Variants in ADCY3 observed in about 807,000 individuals in gnomAD.
ADCY3 encodes adenylate cyclase 3.
Under a neutral mutation model 119.4 loss-of-function variants are expected in ADCY3, and 70 were observed. The ratio of observed to expected loss-of-function variants is 0.59; its 90% CI spans 0.48 to 0.72. The LOEUF is 0.72. Ranked by LOEUF, ADCY3 falls within the 30% of genes least tolerant of loss-of-function variation. The pLI, the probability that ADCY3 is intolerant of heterozygous loss-of-function variation, is 0.00. For synonymous variants in ADCY3, 672 were observed against 621.4 expected (o/e 1.08, Z -1.21); for missense variants, 1,238 against 1,541.6 (o/e 0.80, Z 3.30).
At chr2:24,892,092 A>G (rs1438652117) in intron 2 of ADCY3, among the ~76,000 whole-genome samples, 1 of 152,128 alleles carries the variant, frequency 6.6e-6, no homozygotes. Flanking sequence ...CATTTAATTC[A>G]ATATGTTTTC....
intron 2 of ADCY3, among the ~76,000 whole-genome samples, chr2:24,914,208 T>C (rs529576878): frequency 6.6e-6 from 1 of 152,326 alleles, no homozygotes; most frequent in South Asian, 2.1e-4. Flanking sequence ...TTCCGGCTGC[T>C]CTGGGCCTGT....
intron 2 of ADCY3, among the ~76,000 whole-genome samples, chr2:24,894,009 T>C (rs1677981199): frequency 6.6e-6 from 1 of 152,240 alleles, no homozygotes. Flanking sequence ...TACTGTTCTT[T>C]GTTCCTTTTT....
chr2:24,830,563 G>C (rs1175318216), intron 13 of ADCY3, 146 bp downstream of exon 13: 3 of 635,004 alleles, frequency 4.7e-6, no homozygotes, highest in Non-Finnish European at 8.4e-6. Context: ...CACTAGGTGG[G>C]GATGATGTGT....
rs531259689 is a variant in ADCY3, at chr2:24,837,454, T to C, written c.1534-409A>G. ...AGACAGCCTTTAAAATGACACTGGA[T>C]GAGACTGACATCGAGGTTAGAATCA... On this transcript the variant is annotated intron_variant, in intron 8 of 21. Coordinates refer to ENST00000679454, the MANE Select transcript of ADCY3 (RefSeq NM_004036.5). Among the ~76,000 whole-genome samples, 372 of 152,314 alleles carry C rather than the reference T, an allele frequency of 2.4e-3. 4 individuals carry two copies. Among genetic ancestry groups the C allele is most frequent in the African/African-American group, 8.7e-3 (363 of 41,556 alleles).
At chr2:24,859,893 G>A (rs1471932202) in intron 3 of ADCY3, among the ~76,000 whole-genome samples, 5 of 152,274 alleles carry the variant, frequency 3.3e-5, no homozygotes, top group African/African-American at 1.2e-4. Flanking sequence ...GATGGGGATG[G>A]CTTTCTACCC....
chr2:24,850,247 T>C (rs1234190206), intron 3 of ADCY3, among the ~76,000 whole-genome samples: 2 of 152,138 alleles, frequency 1.3e-5, no homozygotes, highest in Non-Finnish European at 2.9e-5. Context: ...GTTCAGAGGT[T>C]CTAAACCCTT....
chr2:24,885,979 G>A (rs953436293), intron 2 of ADCY3, among the ~76,000 whole-genome samples: 10 of 152,126 alleles, frequency 6.6e-5, no homozygotes, highest in African/African-American at 1.7e-4. Context: ...ACTTCCCCAC[G>A]AAAGTGCCTG....
At chr2:24,869,188 C>T (rs2148792474) in intron 3 of ADCY3, among the ~76,000 whole-genome samples, 1 of 151,996 alleles carries the variant, frequency 6.6e-6, no homozygotes, top group Non-Finnish European at 1.5e-5. Context: ...AACATCATTA[C>T]CCATTTCAGA....
chr2:24,843,663 T>C (rs1295097645), intron 3 of ADCY3, among the ~76,000 whole-genome samples: 2 of 152,200 alleles, frequency 1.3e-5, no homozygotes, highest in African/African-American at 4.8e-5. Context: ...TGCCGGTCTC[T>C]GGAACAGGGA....
intron 2 of ADCY3, among the ~76,000 whole-genome samples, chr2:24,901,860 T>A (rs1305266901): frequency 1.3e-5 from 2 of 151,660 alleles, no homozygotes; most frequent in Admixed American, 6.6e-5. Context: ...AGGAAAGAAC[T>A]TTCCCTTCAA....
At chr2:24,820,290 A>G (rs934227378) in intron 21 of ADCY3, 176 bp from the exon 22 acceptor site, 76 of 1,283,414 alleles carry the variant, frequency 5.9e-5, no homozygotes, top group Non-Finnish European at 6.9e-5. Context: ...GCGGGTGGGA[A>G]GGAGAACCCT....
intron 2 of ADCY3, among the ~76,000 whole-genome samples, chr2:24,917,573 G>A (rs950786927): frequency 3.3e-5 from 5 of 152,142 alleles, no homozygotes; most frequent in African/African-American, 4.8e-5. Flanking sequence ...GTTAAGCTGA[G>A]GCCGAAATTC....
intron 2 of ADCY3, among the ~76,000 whole-genome samples, chr2:24,887,182 T>C (rs1677130306): frequency 6.6e-6 from 1 of 152,148 alleles, no homozygotes; most frequent in African/African-American, 2.4e-5. Flanking sequence ...CAGGAAGACG[T>C]GCCGAGCGAA....
chr2:24,848,736 T>G (rs999109030), intron 3 of ADCY3, among the ~76,000 whole-genome samples: 1 of 152,126 alleles, frequency 6.6e-6, no homozygotes, highest in Admixed American at 6.5e-5. Context: ...TATGACTGAG[T>G]GACTGAGGGT....
chr2:24,820,144 C>T (rs758633198), intron 21 of ADCY3, 30 bp from the exon 22 acceptor site: 109 of 1,065,252 alleles, frequency 1.0e-4, no homozygotes, highest in Non-Finnish European at 1.3e-4. Flanking sequence ...AAGAACGTGG[C>T]GTTACGGGGG....
At position 24,917,868 on chromosome 2, in the gene ADCY3, G is replaced by C. The variant is rs537768418; in HGVS notation, c.675+445C>G. Among the ~76,000 whole-genome samples the C allele has an allele frequency of 3.9e-5, 6 of 152,332 alleles. No homozygotes were observed. In the East Asian group the frequency reaches 1.2e-3, roughly 29 times the overall value. On this transcript the variant is annotated intron_variant, in intron 2 of 21. Transcript: ENST00000679454. ...ATCCTGACAACAACCGTGTCATGCAGGCAGAGCGGACGTTATCCCCATTTG... is the reference window on the plus strand; with the variant it reads ...ATCCTGACAACAACCGTGTCATGCACGCAGAGCGGACGTTATCCCCATTTG...
chr2:24,822,653 A>G, intron 18 of ADCY3, 23 bp from the exon 19 acceptor site: 15 of 1,612,496 alleles, frequency 9.3e-6, no homozygotes, highest in Non-Finnish European at 1.3e-5. Context: ...TTCAGGAAAG[A>G]ATTGTCAGCA....
At chr2:24,903,715 A>G (rs1679165481) in intron 2 of ADCY3, among the ~76,000 whole-genome samples, 1 of 152,100 alleles carries the variant, frequency 6.6e-6, no homozygotes, top group African/African-American at 2.4e-5. Context: ...GAGCAGGGGT[A>G]GGAGGGTGCG....
At chr2:24,820,573 T>C in intron 21 of ADCY3, 151 bp downstream of exon 21, 1 of 1,450,464 alleles carries the variant, frequency 6.9e-7, no homozygotes, top group Non-Finnish European at 9.2e-7. Context: ...GGCTAGCTAT[T>C]GCAGAGATTC....
Sources: allele counts gnomAD v4.1 joint callset (sites outside exome capture counted in the v4.1 genomes callset), GRCh38; gene constraint gnomAD v4.1.1; transcripts MANE v1.5; gene names NCBI Gene and HGNC (gene_info 2026-07-23, HGNC 2026-07-21).